Variants in ZFAND2A observed in about 807,000 individuals in gnomAD.
ZFAND2A encodes zinc finger AN1-type containing 2A.
In ZFAND2A, 20 loss-of-function variants were observed where a neutral mutation model predicts 11.6. The ratio of observed to expected loss-of-function variants is 1.72; its 90% CI spans 1.21 to 2.50. The LOEUF (loss-of-function observed/expected upper bound fraction) is 2.50, where lower values mean the gene tolerates loss of function less well. Among genes scored for constraint, ZFAND2A ranks in the 30% most tolerant of loss-of-function variants. ZFAND2A has a pLI of 0.00. For missense variants in ZFAND2A, 234 were observed against 182.9 expected, an observed-to-expected ratio of 1.28 and a Z score of -1.61; for synonymous variants, 93 against 60.6, an observed-to-expected ratio of 1.54 and a Z score of -2.48.
chr7:1,155,250 G>A (rs1045251892), intron 4 of ZFAND2A, among the ~76,000 whole-genome samples: 1 of 152,104 alleles, frequency 6.6e-6, no homozygotes, highest in Non-Finnish European at 1.5e-5. Context: ...AACCTGACCT[G>A]GGATCCCTCA....
rs141721155 is a variant in ZFAND2A, at chr7:1,155,492, G to A, written c.243C>T (p.Asp81=). The part of the protein sequence containing the change: ...IPDVVVGDHI[D]RDCDSHPGKK... ...TCCCAGGGTGAGAGTCACAGTCTCT[G>A]TCAATGTGATCACCAACCACCACGT... is the stretch of plus-strand genomic sequence containing the variant. Residue 81 remains aspartate, a synonymous_variant, in exon 4 of 5, where the codon GAC becomes GAT. Coordinates refer to ENST00000316495, the MANE Select transcript of ZFAND2A (RefSeq NM_182491.4). 4.4e-5 allele frequency: 71 copies of A among 1,613,900 alleles called. No homozygotes were observed. In the African/African-American group the frequency reaches 8.7e-4, roughly 20 times the overall value.
chr7:1,158,703 T>C (rs140537830), intron 1 of ZFAND2A, among the ~76,000 whole-genome samples: 3 of 152,324 alleles, frequency 2.0e-5, no homozygotes, highest in South Asian at 2.1e-4. Flanking sequence ...TCAACTCCCT[T>C]AGGCATTGAA....
At chr7:1,156,057 C>A (rs1419810886) in intron 3 of ZFAND2A, among the ~76,000 whole-genome samples, 1 of 152,274 alleles carries the variant, frequency 6.6e-6, no homozygotes, top group Non-Finnish European at 1.5e-5. Context: ...CTCCCAGGTA[C>A]TAACGACCGT....
In ZFAND2A at chr7:1,159,602, G is replaced by A. The variant is rs1330178017; in HGVS notation, c.-46+362C>T. The stretch of plus-strand genomic sequence containing the variant: ...CCAACAGCCAGACCCCGGCAGGCCC[G>A]GTCCCCAGCAGACAGGCCGGACCCC... On this transcript the variant is annotated intron_variant, in intron 1 of 4. Coordinates refer to ENST00000316495, the MANE Select transcript of ZFAND2A (RefSeq NM_182491.4). Among the ~76,000 whole-genome samples, 120 of 57,020 alleles carry A rather than the reference G, an allele frequency of 2.1e-3. 19 individuals carry two copies. Among genetic ancestry groups the A allele is most frequent in the African/African-American group, 8.3e-3 (110 of 13,218 alleles). 37.4% of individuals were successfully genotyped at this position (57,020 alleles called of 152,430 possible).
Position 1,158,204 on chromosome 7 carries a change from A to T in ZFAND2A, c.9T>A (p.Phe3Leu), listed in dbSNP as rs547686862. The T allele has an allele frequency of 6.2e-7, 1 of 1,613,800 alleles. No homozygotes were observed. The highest frequency in any genetic ancestry group is 1.1e-5 in the South Asian group (1 of 91,076). Residue 3 changes from phenylalanine (F) to leucine (L), a missense_variant, in exon 2 of 5, where the codon TTT (phenylalanine) becomes TTA (leucine). Physicochemically the swap from Phe to Leu is conservative, Grantham distance 22 (BLOSUM62 0). Transcript: ENST00000316495. Reference protein sequence around the residue: MEFPDLGKHCSEK... With the variant: MELPDLGKHCSEK... Reference sequence around the variant, plus strand: ...CTGAACAATGCTTCCCCAAATCAGGAAACTCCATTATGAGAACAGTGCTCA... The same window carrying T: ...CTGAACAATGCTTCCCCAAATCAGGTAACTCCATTATGAGAACAGTGCTCA...
At chr7:1,151,862 A>G (rs1373400788), downstream of ZFAND2A, among the ~76,000 whole-genome samples, 1 of 151,822 alleles carries the variant, frequency 6.6e-6, no homozygotes, top group Non-Finnish European at 1.5e-5. Context: ...GGAGTACCTG[A>G]AGGCGGAAGT....
chr7:1,152,499 C>T (rs955878684), downstream of ZFAND2A, among the ~76,000 whole-genome samples: 8 of 152,184 alleles, frequency 5.3e-5, no homozygotes, highest in African/African-American at 1.9e-4. Context: ...AGATGCTTCT[C>T]GATTTGACAA....
Position 1,160,122 on chromosome 7 carries a change from G to C in ZFAND2A, c.-204C>G, listed in dbSNP as rs137940956. On this transcript the variant is annotated 5_prime_UTR_variant, in exon 1 of 5. Transcript: ENST00000316495. ...CGGAGGCACACCCACACCCACACCGGAACGCAACATCTCGCTGCCCGCGGC... is the reference window on the plus strand; with the variant it reads ...CGGAGGCACACCCACACCCACACCGCAACGCAACATCTCGCTGCCCGCGGC... 9.7e-3 allele frequency: 1,476 copies of C among 152,662 alleles called. 15 individuals are homozygous for C. Among genetic ancestry groups the C allele is most frequent in the Non-Finnish European group, 0.015 (1,038 of 68,206 alleles). 9.5% of individuals were successfully genotyped at this position (152,662 alleles called of 1,614,324 possible).
chr7:1,159,243 G>A (rs1401468924), intron 1 of ZFAND2A, among the ~76,000 whole-genome samples: 1 of 152,220 alleles, frequency 6.6e-6, no homozygotes, highest in Non-Finnish European at 1.5e-5. Context: ...TTTGTTCAAG[G>A]AATTCACAAG....
downstream of ZFAND2A, among the ~76,000 whole-genome samples, chr7:1,150,639 C>A (rs937899729): frequency 6.6e-6 from 1 of 152,156 alleles, no homozygotes; most frequent in Non-Finnish European, 1.5e-5. Flanking sequence ...CACCTCACTA[C>A]CCCCCTTCCC....
Position 1,152,971 on chromosome 7 carries a change from G to T in ZFAND2A, c.*98C>A. On this transcript the variant is annotated 3_prime_UTR_variant, in exon 5 of 5. Transcript: ENST00000316495. Reference sequence around the variant, plus strand: ...TCAACAAACAAGATCAGCAGCCAGTGTGGGATGGTGCTCAATGGGGCTCCA... The same window carrying T: ...TCAACAAACAAGATCAGCAGCCAGTTTGGGATGGTGCTCAATGGGGCTCCA... 1 of 1,485,464 alleles carries T rather than the reference G, an allele frequency of 6.7e-7. No homozygotes were observed. Among genetic ancestry groups the T allele is most frequent in the African/African-American group, 1.4e-5 (1 of 72,174 alleles). The allele number at this position is 1,485,464 out of a possible 1,614,324, so 92.0% of individuals were successfully genotyped here. A position where few individuals can be genotyped will look rare whatever the true frequency, so the allele number is the denominator to read the frequency against.
intron 4 of ZFAND2A, among the ~76,000 whole-genome samples, chr7:1,154,808 C>T (rs1482908671): frequency 6.6e-6 from 1 of 152,216 alleles, no homozygotes; most frequent in African/African-American, 2.4e-5. Context: ...TTAAGCCTGA[C>T]AGCAGCCAGT....
At chr7:1,150,194 G>C (rs961348295), downstream of ZFAND2A, among the ~76,000 whole-genome samples, 1 of 152,014 alleles carries the variant, frequency 6.6e-6, no homozygotes, top group South Asian at 2.1e-4. Context: ...TATGTTCTGC[G>C]ATCACCAACA....
chr7:1,157,730 C>A lies in ZFAND2A; in HGVS notation c.76G>T (p.Asp26Tyr). The A allele has an allele frequency of 1.3e-6, 2 of 1,556,530 alleles. No homozygotes were observed. Among genetic ancestry groups the A allele is most frequent in the Non-Finnish European group, 1.7e-6 (2 of 1,155,322 alleles). The change falls in exon 3 of 5, where the codon GAT becomes TAT. Residue 26 changes from aspartate to tyrosine, a missense_variant. Transcript: ENST00000316495. Reference protein sequence around the residue: ...KQLDFLPVKCDACKQDFCKDH... With the variant: ...KQLDFLPVKCYACKQDFCKDH... ...TTACAGAAATCTTGTTTACATGCATCACATTTTACTGGAAGAAAATCTAAA... is the reference window on the plus strand; with the variant it reads ...TTACAGAAATCTTGTTTACATGCATAACATTTTACTGGAAGAAAATCTAAA...
At chr7:1,157,857 G>C in intron 2 of ZFAND2A, 107 bp from the exon 3 acceptor site, 2 of 861,370 alleles carry the variant, frequency 2.3e-6, no homozygotes, top group South Asian at 1.8e-5. Context: ...CTATGAGATG[G>C]ACAGGTCCTC....
At chr7:1,150,978 C>T (rs1228541156), downstream of ZFAND2A, among the ~76,000 whole-genome samples, 1 of 151,424 alleles carries the variant, frequency 6.6e-6, no homozygotes, top group East Asian at 1.9e-4. Flanking sequence ...ACCTCCGCCT[C>T]CCAGGTTCAA....
At chr7:1,151,761 T>C (rs1793401098), downstream of ZFAND2A, among the ~76,000 whole-genome samples, 2 of 22,778 alleles carry the variant, frequency 8.8e-5, no homozygotes, top group Non-Finnish European at 1.9e-4. Context: ...TTCATCCCTT[T>C]TAAAAAAAAA....
At position 1,157,699 on chromosome 7, in the gene ZFAND2A, TG is replaced by T; in HGVS notation, c.106del (p.His36IlefsTer31). 4 of 1,565,480 alleles carry T rather than the reference TG, an allele frequency of 2.6e-6. No homozygotes were observed. Among genetic ancestry groups the T allele is most frequent in the Non-Finnish European group, 3.4e-6 (4 of 1,160,492 alleles). On this transcript the variant is annotated frameshift_variant, in exon 3 of 5. Transcript: ENST00000316495. LOFTEE classifies it high-confidence loss of function. ...ACACTTATGTGCAGCGTATGGAAAATGATCTTTACAGAAATCTTGTTTACAT... is the reference window on the plus strand; with the variant it reads ...ACACTTATGTGCAGCGTATGGAAAATATCTTTACAGAAATCTTGTTTACAT... Reference protein sequence around the residue: ...DACKQDFCKDHFPYAAHKCPF... With the variant: ...DACKQDFCKDXFPYAAHKCPF...
chr7:1,155,372 A>G (rs1290010417), intron 4 of ZFAND2A, 81 bp downstream of exon 4: 5 of 1,563,524 alleles, frequency 3.2e-6, no homozygotes, highest in Admixed American at 1.8e-5. Flanking sequence ...ATTGGGAGTA[A>G]TTTTCAGGTA....
Sources: allele counts gnomAD v4.1 joint callset (sites outside exome capture counted in the v4.1 genomes callset), GRCh38; gene constraint gnomAD v4.1.1; transcripts MANE v1.5; gene names NCBI Gene and HGNC (gene_info 2026-07-23, HGNC 2026-07-21).